ARHGAP22: variants seen among roughly 807,000 people sequenced by gnomAD.
The protein encoded by ARHGAP22 is Rho GTPase activating protein 22, also known as rho GTPase-activating protein 22.
Under a neutral mutation model 59.1 loss-of-function variants are expected in ARHGAP22, and 48 were observed. That is an observed-to-expected ratio of 0.81 (90% CI 0.64 to 1.03). The LOEUF is 1.03. ARHGAP22 is among the 50% of genes least tolerant of loss of function. ARHGAP22 has a pLI of 0.00. For synonymous variants in ARHGAP22, 445 were observed against 416.4 expected (o/e 1.07, Z -0.84); for missense variants, 1,015 against 958.7 (o/e 1.06, Z -0.78).
chr10:48,610,624 G>A (rs77698635), intron 1 of ARHGAP22, among the ~76,000 whole-genome samples: 3,590 of 152,304 alleles, frequency 0.024, 154 homozygotes, highest in African/African-American at 0.082. Context: ...AGATGCTGAG[G>A]TAAGAGTTTT....
the ARHGAP22 span, chr10:48,437,168 A>G: frequency 1.3e-5 from 2 of 152,196 alleles, no homozygotes; most frequent in Non-Finnish European, 2.9e-5. Context: ...AAGAAAACAA[A>G]CTCTCATTAC....
chr10:48,464,712 G>A (rs2047482643), intron 4 of ARHGAP22, among the ~76,000 whole-genome samples: 2 of 152,240 alleles, frequency 1.3e-5, no homozygotes, highest in Non-Finnish European at 2.9e-5. Context: ...TGGACGTCCT[G>A]GCTAACCCAC....
At chr10:48,647,400 T>C (rs934917179) in intron 1 of ARHGAP22, among the ~76,000 whole-genome samples, 1 of 151,990 alleles carries the variant, frequency 6.6e-6, no homozygotes, top group African/African-American at 2.4e-5. Context: ...TATCAAAAAA[T>C]ATAAAAATGG....
chr10:48,621,404 A>G (rs999093544), intron 1 of ARHGAP22, among the ~76,000 whole-genome samples: 2 of 152,242 alleles, frequency 1.3e-5, no homozygotes, highest in African/African-American at 4.8e-5. Context: ...ATATTATAAT[A>G]TTTATTCAAT....
chr10:48,603,059 A>G (rs1482784714), intron 1 of ARHGAP22, among the ~76,000 whole-genome samples: 1 of 152,224 alleles, frequency 6.6e-6, no homozygotes, highest in African/African-American at 2.4e-5. Context: ...GCCTCATGGA[A>G]CACTGAGGAC....
intron 1 of ARHGAP22, among the ~76,000 whole-genome samples, chr10:48,590,411 C>T (rs1290714608): frequency 2.0e-5 from 3 of 152,062 alleles, no homozygotes; most frequent in African/African-American, 7.2e-5. Flanking sequence ...TGGCAAGACA[C>T]TGTCCTCGGT....
chr10:48,554,604 C>T (rs368420027), intron 3 of ARHGAP22, among the ~76,000 whole-genome samples: 4 of 152,118 alleles, frequency 2.6e-5, no homozygotes, highest in Non-Finnish European at 5.9e-5. Context: ...AGAGTTTTGT[C>T]CATGTGAGGG....
chr10:48,636,022 T>C (rs538459127), intron 1 of ARHGAP22, among the ~76,000 whole-genome samples: 28 of 152,288 alleles, frequency 1.8e-4, no homozygotes, highest in Non-Finnish European at 3.8e-4. Flanking sequence ...ATTATTATTT[T>C]TAGTTTGGTG....
upstream of ARHGAP22, chr10:48,656,125 C>G (rs1441621295): frequency 6.6e-6 from 1 of 152,394 alleles, no homozygotes; most frequent in East Asian, 1.9e-4. Flanking sequence ...GCTCCCGGCC[C>G]GCTCCTTTAG....
chr10:48,643,751 TTA>T (rs1491410558), intron 1 of ARHGAP22, among the ~76,000 whole-genome samples: 2 of 112,634 alleles, frequency 1.8e-5, no homozygotes, highest in African/African-American at 8.0e-5. Flanking sequence ...TAAAGTATAA[TTA>T]AAAAAAAAAA....
intron 1 of ARHGAP22, among the ~76,000 whole-genome samples, chr10:48,622,474 CTG>C (rs1332626388): frequency 1.3e-5 from 2 of 152,074 alleles, no homozygotes; most frequent in African/African-American, 4.8e-5. Context: ...GGTACAGTAA[CTG>C]TATATGTTTA....
Position 48,454,989 on chromosome 10 carries a change from A to G in ARHGAP22, c.792+13T>C, listed in dbSNP as rs74800997. ...AGCCCATCTCCCAGGAGCTATCCCC[A>G]GGAGCCACTGACCTCCCCCTCGTCC... is the stretch of plus-strand genomic sequence containing the variant. On this transcript the variant is annotated intron_variant, in intron 6 of 9. Transcript: ENST00000249601. 776 of 1,582,940 alleles carry G rather than the reference A, an allele frequency of 4.9e-4. 4 individuals are homozygous for G. The highest frequency in any genetic ancestry group is 2.2e-3 in the Middle Eastern group (13 of 5,954).
At chr10:48,474,088 G>T (rs968328477) in intron 4 of ARHGAP22, among the ~76,000 whole-genome samples, 1 of 152,168 alleles carries the variant, frequency 6.6e-6, no homozygotes, top group African/African-American at 2.4e-5. Flanking sequence ...CTGAACATGG[G>T]ATGTCTTTCT....
chr10:48,651,718 T>G (rs773260939), intron 1 of ARHGAP22, among the ~76,000 whole-genome samples: 1 of 152,148 alleles, frequency 6.6e-6, no homozygotes, highest in Non-Finnish European at 1.5e-5. Flanking sequence ...GTCTAACAAT[T>G]ATCTCCCAGG....
the ARHGAP22 span, chr10:48,431,384 C>T: frequency 1.4e-6 from 1 of 703,328 alleles, no homozygotes; most frequent in South Asian, 1.9e-5. Context: ...TTATTCCAGG[C>T]TTAATAAGTA....
chr10:48,433,620 T>C, the ARHGAP22 span, among the ~76,000 whole-genome samples: 1 of 152,220 alleles, frequency 6.6e-6, no homozygotes, highest in East Asian at 1.9e-4. Context: ...GCTTTGTCTC[T>C]TGTGGTTCCA....
intron 3 of ARHGAP22, chr10:48,524,065 G>T: frequency 6.8e-7 from 1 of 1,477,592 alleles, no homozygotes; most frequent in East Asian, 2.9e-5. Flanking sequence ...TTGGGCGCTC[G>T]CAGGTGTCCC....
intron 1 of ARHGAP22, among the ~76,000 whole-genome samples, chr10:48,621,721 G>A (rs1233144419): frequency 1.3e-5 from 2 of 152,160 alleles, no homozygotes; most frequent in Non-Finnish European, 2.9e-5. Context: ...CTTTCGTCTA[G>A]TTATTCTGTT....
At chr10:48,543,711 G>A (rs1235370138) in intron 3 of ARHGAP22, among the ~76,000 whole-genome samples, 1 of 152,098 alleles carries the variant, frequency 6.6e-6, no homozygotes, top group Admixed American at 6.5e-5. Flanking sequence ...AATTTGAGAA[G>A]CACAGCTGTA....
Sources: allele counts gnomAD v4.1 joint callset (sites outside exome capture counted in the v4.1 genomes callset), GRCh38; gene constraint gnomAD v4.1.1; transcripts MANE v1.5; gene names NCBI Gene and HGNC (gene_info 2026-07-23, HGNC 2026-07-21).